IGF1R: variants seen among roughly 807,000 people sequenced by gnomAD.
IGF1R encodes insulin like growth factor 1 receptor.
In IGF1R, 44 loss-of-function variants were observed where a neutral mutation model predicts 144.6. The ratio of observed to expected loss-of-function variants is 0.30; its 90% CI spans 0.24 to 0.39. The LOEUF is 0.39. Ranked by LOEUF, IGF1R falls within the 10% of genes least tolerant of loss-of-function variation. IGF1R has a pLI of 1.00. For synonymous variants in IGF1R, 795 were observed against 722.8 expected, an observed-to-expected ratio of 1.10 and a Z score of -1.60; for missense variants, 1,355 against 1,833.7, an observed-to-expected ratio of 0.74 and a Z score of 4.77.
intron 2 of IGF1R, among the ~76,000 whole-genome samples, chr15:98,851,285 C>T (rs7168237): frequency 3.5e-4 from 53 of 152,282 alleles, no homozygotes; most frequent in African/African-American, 1.2e-3. Flanking sequence ...GAGGAGAGGG[C>T]TGGCCAAGGG....
Position 98,784,012 on chromosome 15 carries a change from T to C in IGF1R, c.640+75905T>C, listed in dbSNP as rs1371237025. 4.3e-5 allele frequency among the ~76,000 whole-genome samples: 5 copies of C among 115,262 alleles called. No individual in the cohort carries two copies. The Admixed American group carries it at 5.3e-4, about 12-fold the overall frequency. The allele number at this position is 115,262 out of a possible 152,430, so 75.6% of individuals were successfully genotyped here. ...TTTTTTGAGATGGAGTCTCCCTTTGTTGCCCAGGCTAGAGTGCAATGGCGC... is the reference window on the plus strand; with the variant it reads ...TTTTTTGAGATGGAGTCTCCCTTTGCTGCCCAGGCTAGAGTGCAATGGCGC... On this transcript the variant is annotated intron_variant, in intron 2 of 20. Coordinates refer to ENST00000650285, the MANE Select transcript of IGF1R (RefSeq NM_000875.5).
chr15:98,763,146 G>A (rs1254801973), intron 2 of IGF1R, among the ~76,000 whole-genome samples: 2 of 151,918 alleles, frequency 1.3e-5, no homozygotes, highest in Non-Finnish European at 2.9e-5. Flanking sequence ...AAATTTAAAA[G>A]GAAAAGACAA....
intron 2 of IGF1R, among the ~76,000 whole-genome samples, chr15:98,732,270 G>T (rs1232914919): frequency 1.3e-5 from 2 of 152,198 alleles, no homozygotes; most frequent in African/African-American, 4.8e-5. Context: ...GGATGCAGAG[G>T]AGTTTGCCAA....
intron 2 of IGF1R, among the ~76,000 whole-genome samples, chr15:98,738,505 C>T (rs2054664423): frequency 6.6e-6 from 1 of 152,184 alleles, no homozygotes; most frequent in Admixed American, 6.5e-5. Context: ...CAGTGCACCC[C>T]AGCCTGGGCA....
chr15:98,893,868 ATTCCC>A (rs1192612338), intron 3 of IGF1R, among the ~76,000 whole-genome samples: 1 of 152,210 alleles, frequency 6.6e-6, no homozygotes, highest in Non-Finnish European at 1.5e-5. Flanking sequence ...AGAATAATAA[ATTCCC>A]TTCTCTCAGC....
Position 98,959,126 on chromosome 15 carries a change from GT to G in IGF1R, c.*1687del. The G allele has an allele frequency of 8.6e-6, 2 of 233,318 alleles. No individual in the cohort carries two copies. The highest frequency in any genetic ancestry group is 1.7e-5 in the Non-Finnish European group (2 of 118,020). 14.5% of individuals were successfully genotyped at this position (233,318 alleles called of 1,614,324 possible). A position where few individuals can be genotyped will look rare whatever the true frequency, so the allele number is the denominator to read the frequency against. The stretch of plus-strand genomic sequence containing the variant: ...AATATTTCACACGTCTTTGTTCAGT[GT>G]TTCCACTCACCGTGGTTGAGAAGCC... On this transcript the variant is annotated 3_prime_UTR_variant, in exon 21 of 21. Coordinates refer to ENST00000650285, the MANE Select transcript of IGF1R (RefSeq NM_000875.5).
intron 2 of IGF1R, among the ~76,000 whole-genome samples, chr15:98,849,525 C>T (rs1280493101): frequency 6.6e-6 from 1 of 152,096 alleles, no homozygotes; most frequent in Non-Finnish European, 1.5e-5. Flanking sequence ...AGTTTCAACT[C>T]AAAATCCAGA....
intron 2 of IGF1R, among the ~76,000 whole-genome samples, chr15:98,821,523 G>A (rs903234507): frequency 1.4e-5 from 2 of 145,078 alleles, no homozygotes; most frequent in Admixed American, 6.7e-5. Flanking sequence ...GAAGGGGAAG[G>A]GGTGGCTTGC....
At chr15:98,939,608 G>A (rs993879508) in intron 18 of IGF1R, among the ~76,000 whole-genome samples, 1 of 152,200 alleles carries the variant, frequency 6.6e-6, no homozygotes, top group Non-Finnish European at 1.5e-5. Context: ...CTCTCCAGAC[G>A]TTTGAGGCAT....
chr15:98,661,917 C>A (rs1320176020), intron 1 of IGF1R, among the ~76,000 whole-genome samples: 1 of 151,120 alleles, frequency 6.6e-6, no homozygotes, highest in Non-Finnish European at 1.5e-5. Context: ...GTCCTCCTTC[C>A]CCACAACACT....
intron 2 of IGF1R, among the ~76,000 whole-genome samples, chr15:98,867,269 G>C (rs1361355907): frequency 6.6e-6 from 1 of 151,994 alleles, no homozygotes; most frequent in African/African-American, 2.4e-5. Flanking sequence ...TCTGAACCTC[G>C]TTCTGTGAAG....
chr15:98,908,540 T>G, intron 5 of IGF1R, 145 bp from the exon 6 acceptor site: 1 of 703,406 alleles, frequency 1.4e-6, no homozygotes, highest in East Asian at 2.7e-5. Flanking sequence ...TCTGTTCTCC[T>G]ATAGTGTTAA....
chr15:98,698,352 A>G (rs551636937), intron 1 of IGF1R, among the ~76,000 whole-genome samples: 71 of 152,284 alleles, frequency 4.7e-4, no homozygotes, highest in African/African-American at 1.7e-3. Context: ...CCATCTTAAC[A>G]TTTTAAAGTG....
chr15:98,817,384 G>C (rs575929614), intron 2 of IGF1R, among the ~76,000 whole-genome samples: 1 of 152,024 alleles, frequency 6.6e-6, no homozygotes, highest in South Asian at 2.1e-4. Context: ...ACAGTAAAGA[G>C]AATAATAAGC....
chr15:98,849,620 A>T (rs1337533409), intron 2 of IGF1R, among the ~76,000 whole-genome samples: 2 of 152,258 alleles, frequency 1.3e-5, no homozygotes, highest in Non-Finnish European at 2.9e-5. Flanking sequence ...GCAAAGACAG[A>T]TGCCAAACTG....
At chr15:98,726,023 G>C (rs1053868917) in intron 2 of IGF1R, among the ~76,000 whole-genome samples, 1 of 152,174 alleles carries the variant, frequency 6.6e-6, no homozygotes, top group East Asian at 1.9e-4. Flanking sequence ...CGGGGACACA[G>C]CCAAATCATA....
At chr15:98,913,336 G>A in intron 8 of IGF1R, 54 bp downstream of exon 8, 3 of 1,369,154 alleles carry the variant, frequency 2.2e-6, no homozygotes, top group East Asian at 2.3e-5. Flanking sequence ...AAGCTCACTG[G>A]CCTTGCTTGT....
intron 1 of IGF1R, among the ~76,000 whole-genome samples, chr15:98,686,168 C>T (rs2053323466): frequency 6.6e-6 from 1 of 152,232 alleles, no homozygotes; most frequent in African/African-American, 2.4e-5. Flanking sequence ...ATTTTATGAG[C>T]ATAATGTCCT....
intron 2 of IGF1R, among the ~76,000 whole-genome samples, chr15:98,755,302 T>C (rs1012671333): frequency 1.3e-5 from 2 of 152,172 alleles, no homozygotes; most frequent in Non-Finnish European, 1.5e-5. Flanking sequence ...AAATGGATGA[T>C]TCATAGTTTA....
Sources: gnomAD v4.1 joint callset for allele counts (sites outside exome capture counted in the v4.1 genomes callset) on GRCh38, gnomAD v4.1.1 for gene constraint, MANE v1.5 for transcripts, NCBI Gene and HGNC (gene_info 2026-07-23, HGNC 2026-07-21) for gene names.